Variants in ACOXL observed in about 807,000 individuals in gnomAD.
The protein encoded by ACOXL is acyl-CoA oxidase like, also known as acyl-coenzyme A oxidase-like protein.
A neutral mutation model predicts 71.9 loss-of-function variants in ACOXL; 70 were observed. The observed-to-expected ratio is 0.97, with a 90% CI of 0.80 to 1.19. The LOEUF (loss-of-function observed/expected upper bound fraction) is 1.19. Among genes scored for constraint, ACOXL ranks in the 50% most tolerant of loss-of-function variants. The pLI is 0.00. For missense variants in ACOXL, 703 were observed against 736.3 expected, an observed-to-expected ratio of 0.95 and a Z score of 0.52; for synonymous variants, 253 against 281.6, an observed-to-expected ratio of 0.90 and a Z score of 1.02.
chr2:110,995,013 A>G (rs1253782184), intron 13 of ACOXL, among the ~76,000 whole-genome samples: 2 of 152,016 alleles, frequency 1.3e-5, no homozygotes, highest in Non-Finnish European at 2.9e-5. Flanking sequence ...TTCACAGCAG[A>G]TAATGAACAC....
intron 2 of ACOXL, among the ~76,000 whole-genome samples, chr2:110,773,836 G>A (rs777350864): frequency 2.6e-5 from 4 of 152,196 alleles, no homozygotes; most frequent in Non-Finnish European, 5.9e-5. Flanking sequence ...TGGAGGATTT[G>A]GGCAGAGACA....
intron 14 of ACOXL, among the ~76,000 whole-genome samples, chr2:110,999,712 C>A (rs1241514134): frequency 6.6e-6 from 1 of 152,184 alleles, no homozygotes; most frequent in Non-Finnish European, 1.5e-5. Flanking sequence ...CTGGGCAAAA[C>A]CATGTCATAA....
chr2:111,005,981 C>T (rs1237460422), intron 14 of ACOXL, among the ~76,000 whole-genome samples: 1 of 152,172 alleles, frequency 6.6e-6, no homozygotes, highest in Non-Finnish European at 1.5e-5. Context: ...AAAACCAATA[C>T]AGCGGTCTGA....
At chr2:111,027,031 A>G (rs1355590724) in intron 14 of ACOXL, among the ~76,000 whole-genome samples, 2 of 151,856 alleles carry the variant, frequency 1.3e-5, no homozygotes. Context: ...CAAGTAGCTG[A>G]AACTACAGGC....
intron 15 of ACOXL, chr2:111,036,969 G>A (rs1335961235): frequency 2.6e-5 from 4 of 152,130 alleles, no homozygotes; most frequent in Admixed American, 6.5e-5. Flanking sequence ...TGGAAGCATC[G>A]TAGTATGTAA....
At chr2:110,776,268 G>A (rs557642763) in intron 2 of ACOXL, among the ~76,000 whole-genome samples, 1 of 152,302 alleles carries the variant, frequency 6.6e-6, no homozygotes, top group African/African-American at 2.4e-5. Flanking sequence ...CTGGGGGAAA[G>A]GGGAAATGGG....
chr2:110,965,548 T>C (rs1337121124), intron 12 of ACOXL, among the ~76,000 whole-genome samples: 2 of 152,234 alleles, frequency 1.3e-5, no homozygotes, highest in African/African-American at 4.8e-5. Flanking sequence ...TGTTGTGCTA[T>C]GACATCATGA....
chr2:110,767,923 AACACACACACACACAC>A (rs58524964), intron 1 of ACOXL, among the ~76,000 whole-genome samples: 1,272 of 114,446 alleles, frequency 0.011, 20 homozygotes, highest in African/African-American at 0.027. Flanking sequence ...GTCTCTACTA[AACACACACACACACAC>A]ACACACACAC....
rs553190373 is a variant in ACOXL, at chr2:111,005,096, A to G, written c.1281+9092A>G. Among the ~76,000 whole-genome samples, 14 of 152,326 alleles carry G rather than the reference A, an allele frequency of 9.2e-5. No homozygotes were observed. In the South Asian group the frequency reaches 2.9e-3, roughly 32 times the overall value. The stretch of plus-strand genomic sequence containing the variant: ...AAGGATGAGAATACAGATGGACTTA[A>G]AATAGTTCTAATTCTCCAAGGGCTG... On this transcript the variant is annotated intron_variant, in intron 14 of 17. Transcript: ENST00000439055.
chr2:111,096,224 AATTATT>A (rs67800488), intron 17 of ACOXL, among the ~76,000 whole-genome samples: 18 of 145,234 alleles, frequency 1.2e-4, no homozygotes, highest in Admixed American at 3.4e-4. Context: ...TTATTTTTAA[AATTATT>A]ATTATTATTA....
rs79143427 is a variant in ACOXL, at chr2:110,948,591, T to C, written c.1059+14949T>C. On this transcript the variant is annotated intron_variant, in intron 12 of 17. Transcript: ENST00000439055. ...GGAGCCTGTGGCCTCTGTTCCTGCT[T>C]GTTCCATGTGGCTTCTGGTTTCTGT... Among the ~76,000 whole-genome samples, 6 of 151,786 alleles carry C rather than the reference T, an allele frequency of 4.0e-5. No homozygotes were observed. The East Asian group carries it at 1.2e-3, about 30-fold the overall frequency.
chr2:111,113,208 A>T (rs1042683568), intron 17 of ACOXL: 3 of 152,256 alleles, frequency 2.0e-5, no homozygotes, highest in Non-Finnish European at 2.9e-5. Flanking sequence ...AGAAAAAAAA[A>T]GCCCTGGATT....
chr2:110,865,262 T>C (rs1694424899), intron 10 of ACOXL, among the ~76,000 whole-genome samples: 1 of 152,224 alleles, frequency 6.6e-6, no homozygotes, highest in Admixed American at 6.5e-5. Flanking sequence ...GGGGTCCCTG[T>C]CACCTGGCTG....
At chr2:110,796,269 A>G (rs1395891263) in intron 5 of ACOXL, 1 of 152,224 alleles carries the variant, frequency 6.6e-6, no homozygotes, top group Non-Finnish European at 1.5e-5. Flanking sequence ...TAGTTAAGAG[A>G]TAAGAGAGAG....
At chr2:110,874,920 G>A (rs1033426914) in intron 10 of ACOXL, among the ~76,000 whole-genome samples, 6 of 152,160 alleles carry the variant, frequency 3.9e-5, no homozygotes, top group East Asian at 1.9e-4. Context: ...CTGGGAGGTC[G>A]CCGAGGTCTC....
intron 16 of ACOXL, among the ~76,000 whole-genome samples, chr2:111,073,972 C>G (rs181128079): frequency 2.0e-5 from 3 of 152,158 alleles, no homozygotes; most frequent in South Asian, 2.1e-4. Flanking sequence ...AGATTTATAA[C>G]TAAATATTTC....
At chr2:110,971,803 C>T (rs2062201365) in intron 12 of ACOXL, among the ~76,000 whole-genome samples, 1 of 152,044 alleles carries the variant, frequency 6.6e-6, no homozygotes, top group South Asian at 2.1e-4. Flanking sequence ...GCTTAAATGT[C>T]GTATCAAAAA....
rs185992509 is a variant in ACOXL at position 111,054,187 on chromosome 2, C to T, written c.1440+4899C>T. ...GATATCTACCACATTTATGGCAGCA[C>T]ACAGTAGAAAAACCAAGCTGCCTGT... On this transcript the variant is annotated intron_variant, in intron 16 of 17. Coordinates refer to ENST00000439055, the MANE Select transcript of ACOXL (RefSeq NM_001142807.4). Among the ~76,000 whole-genome samples the T allele has an allele frequency of 3.3e-5, 5 of 152,300 alleles. No individual in the cohort carries two copies. The East Asian group carries it at 9.6e-4, about 29-fold the overall frequency.
rs200513911 is a variant in ACOXL at position 110,908,870 on chromosome 2, C to T, written c.870C>T (p.His290=). The change falls in exon 11 of 18, where the codon CAC becomes CAT. Residue 290 remains histidine (H), a synonymous_variant. Transcript: ENST00000439055. ...HQTQTLRLMP[H]LATALALTFV... ...CACAGACCCTGCGGCTGATGCCCCA[C>T]CTGGCCACAGCCTTGGCCCTGACCT... 119 of 1,614,066 alleles carry T rather than the reference C, an allele frequency of 7.4e-5. No homozygotes were observed. The highest frequency in any genetic ancestry group is 8.4e-5 in the Non-Finnish European group (99 of 1,179,954).
Sources: gnomAD v4.1 joint callset for allele counts (sites outside exome capture counted in the v4.1 genomes callset) on GRCh38, gnomAD v4.1.1 for gene constraint, MANE v1.5 for transcripts, NCBI Gene and HGNC (gene_info 2026-07-23, HGNC 2026-07-21) for gene names.